PRMT2: variants seen among roughly 807,000 people sequenced by gnomAD.
PRMT2 encodes the protein protein arginine N-methyltransferase 2.
A neutral mutation model predicts 57.6 loss-of-function variants in PRMT2; 26 were observed. That is an observed-to-expected ratio of 0.45 (90% CI 0.33 to 0.63). PRMT2 has a LOEUF of 0.63. PRMT2 is among the 20% of genes least tolerant of loss of function. The pLI is 0.02. For synonymous variants in PRMT2, 219 were observed against 220.0 expected, an observed-to-expected ratio of 1.00 and a Z score of 0.04; for missense variants, 472 against 564.4, an observed-to-expected ratio of 0.84 and a Z score of 1.66.
chr21:46,661,699 G>A lies in PRMT2; in HGVS notation c.961-101G>A, dbSNP rs541732032. On this transcript the variant is annotated intron_variant, in intron 9 of 11. Transcript: ENST00000355680. ...GGGGGGCTTTTCTACGGTTCCTGAC[G>A]CATTCAGCGTCTGCGCGGGGCGCGT... is the stretch of plus-strand genomic sequence containing the variant. 259 of 1,166,078 alleles carry A rather than the reference G, an allele frequency of 2.2e-4. No homozygotes were observed. In the African/African-American group the frequency reaches 3.5e-3, roughly 16 times the overall value. 72.2% of individuals were successfully genotyped at this position (1,166,078 alleles called of 1,614,324 possible).
Position 46,648,487 on chromosome 21 carries a change from G to T in PRMT2, c.357G>T (p.Gln119His). 1 of 1,614,190 alleles carries T rather than the reference G, an allele frequency of 6.2e-7. No homozygotes were observed. The highest frequency in any genetic ancestry group is 8.5e-7 in the Non-Finnish European group (1 of 1,180,024). Residue 119 changes from glutamine (Q) to histidine (H), a missense_variant, in exon 6 of 12, where the codon CAG (glutamine) becomes CAT (histidine). Gln to His is a conservative substitution (Grantham distance 24). This residue lies in a region of PRMT2 where 243 missense variants were observed against 347.2 expected (regional missense o/e 0.70). Transcript: ENST00000355680. This position sits in a 1 kb window ranked among gnomAD's most constrained non-coding sequence, Gnocchi z 4.8. ...LKLHLEMLADQPRTTKYHSVI... is the reference protein window; with the variant it reads ...LKLHLEMLADHPRTTKYHSVI... The stretch of plus-strand genomic sequence containing the variant: ...TCCACTTGGAGATGTTGGCAGACCA[G>T]CCACGAACAACTAAATACCACAGTG...
intron 8 of PRMT2, chr21:46,659,265 G>A (rs962097302): frequency 3.9e-6 from 4 of 1,033,150 alleles, no homozygotes; most frequent in African/African-American, 1.7e-5. Context: ...AATTCTGCAT[G>A]GAATCAGCGT....
At chr21:46,651,114 T>A (rs928811328) in intron 7 of PRMT2, among the ~76,000 whole-genome samples, 2 of 152,122 alleles carry the variant, frequency 1.3e-5, no homozygotes, top group Non-Finnish European at 2.9e-5. Flanking sequence ...CCTGGGACAT[T>A]CTGTGTGAGG....
At chr21:46,651,830 A>G in intron 7 of PRMT2, 2 of 1,612,860 alleles carry the variant, frequency 1.2e-6, no homozygotes, top group Non-Finnish European at 1.7e-6. Context: ...GAGCTGCCGC[A>G]TTCTCCCCTG....
intron 3 of PRMT2, among the ~76,000 whole-genome samples, chr21:46,637,900 A>G (rs1752241128): frequency 6.6e-6 from 1 of 151,530 alleles, no homozygotes; most frequent in South Asian, 2.1e-4. Context: ...GATGTGGTGT[A>G]TTATGATTGT....
intron 3 of PRMT2, among the ~76,000 whole-genome samples, chr21:46,643,026 CAAAAAAAAAAAAAAA>C (rs112297697): frequency 6.8e-6 from 1 of 146,234 alleles, no homozygotes; most frequent in African/African-American, 2.5e-5. Flanking sequence ...GACTCTGTCT[CAAAAAAAAAAAAAAA>C]AAAAAAATGG....
At chr21:46,652,097 T>C in intron 7 of PRMT2, 1 of 1,545,500 alleles carries the variant, frequency 6.5e-7, no homozygotes, top group Non-Finnish European at 8.7e-7. Flanking sequence ...AGCAAGGGCA[T>C]GTAGTTGTTC....
At position 46,664,317 on chromosome 21, in the gene PRMT2, T is replaced by A; in HGVS notation, c.1292T>A (p.Ile431Asn). Reference sequence around the variant, plus strand: ...CAGGTTGGAGAAAAAGTCTTCCCCATCTGGAGATGACAGTTGATGCTTTAT... The same window carrying A: ...CAGGTTGGAGAAAAAGTCTTCCCCAACTGGAGATGACAGTTGATGCTTTAT... ...SQKVGEKVFP[I>N]WR The change falls in exon 12 of 12, where the codon ATC becomes AAC. Residue 431 changes from isoleucine (I) to asparagine (N), a missense_variant. Coordinates refer to ENST00000355680, the MANE Select transcript of PRMT2 (RefSeq NM_206962.4). The A allele has an allele frequency of 1.2e-6, 2 of 1,614,010 alleles. No individual in the cohort carries two copies. Among genetic ancestry groups the A allele is most frequent in the Non-Finnish European group, 1.7e-6 (2 of 1,179,864 alleles).
intron 7 of PRMT2, chr21:46,652,331 C>T (rs2148989107): frequency 8.4e-7 from 1 of 1,196,128 alleles, no homozygotes; most frequent in Non-Finnish European, 1.0e-6. Flanking sequence ...CCCCTTCATA[C>T]ATTAGCACAG....
chr21:46,637,602 A>G (rs910986018), intron 3 of PRMT2, among the ~76,000 whole-genome samples: 32 of 152,092 alleles, frequency 2.1e-4, no homozygotes, highest in African/African-American at 7.0e-4. Flanking sequence ...TATAGTCAGA[A>G]TCTTTCGTTA....
At position 46,658,784 on chromosome 21, in the gene PRMT2, G is replaced by A. The variant is rs768442613; in HGVS notation, c.694G>A (p.Ala232Thr). ...CGAGTCCATCCTGTATGCCCGGGAT[G>A]CCTGGCTGAAGGAGGACGGGGTCAT... ...MIESILYARD[A>T]WLKEDGVIWP... Residue 232 changes from alanine (A) to threonine (T), a missense_variant, in exon 8 of 12, where the codon GCC becomes ACC. Ala to Thr is a moderately conservative substitution (Grantham distance 58, BLOSUM62 0). Transcript: ENST00000355680. 6 of 1,614,116 alleles carry A rather than the reference G, an allele frequency of 3.7e-6. No homozygotes were observed. In the Admixed American group the frequency reaches 1.0e-4, roughly 27 times the overall value.
intron 1 of PRMT2, chr21:46,636,208 G>C (rs2061168764): frequency 6.6e-6 from 1 of 152,104 alleles, no homozygotes. Flanking sequence ...CCATGATCCT[G>C]TTCCTCCCGA....
At position 46,644,399 on chromosome 21, in the gene PRMT2, C is replaced by G. The variant is rs1277067608; in HGVS notation, c.238C>G (p.Pro80Ala). The change falls in exon 5 of 12, where the codon CCG (proline) becomes GCG (alanine). Residue 80 changes from proline (P) to alanine (A), a missense_variant. Pro to Ala is a conservative substitution (Grantham distance 27). This residue lies in a region of PRMT2 where 243 missense variants were observed against 347.2 expected (regional missense o/e 0.70). Coordinates refer to ENST00000355680, the MANE Select transcript of PRMT2 (RefSeq NM_206962.4). ...GCGTGCGGGCTGCTGTGGGTACATT[C>G]CGGCAAACCATGTGGGGAAGCACGT... The part of the protein sequence containing the change: ...GERAGCCGYI[P>A]ANHVGKHVDE... 2 of 1,612,028 alleles carry G rather than the reference C, an allele frequency of 1.2e-6. No individual in the cohort carries two copies. The highest frequency in any genetic ancestry group is 1.3e-5 in the African/African-American group (1 of 74,888).
chr21:46,636,863 G>A, intron 2 of PRMT2, 33 bp from the exon 3 acceptor site: 1 of 1,337,284 alleles, frequency 7.5e-7, no homozygotes. Context: ...AATGTAACAA[G>A]TACTTTGTGT....
intron 8 of PRMT2, 142 bp downstream of exon 8, chr21:46,659,062 T>C (rs2061582700): frequency 1.4e-6 from 2 of 1,437,812 alleles, no homozygotes; most frequent in South Asian, 3.0e-5. Flanking sequence ...CAATCTGTTG[T>C]AGCATTGGAG....
chr21:46,663,355 C>T (rs1337809564), intron 10 of PRMT2, 28 bp from the exon 11 acceptor site: 1 of 1,593,164 alleles, frequency 6.3e-7, no homozygotes. Flanking sequence ...AGCTCAGCCT[C>T]CAGGTCACAC....
At chr21:46,641,132 A>AAAT (rs1351719159) in intron 3 of PRMT2, among the ~76,000 whole-genome samples, 4 of 151,318 alleles carry the variant, frequency 2.6e-5, no homozygotes, top group Non-Finnish European at 5.9e-5. Flanking sequence ...TCAAAAAAAA[A>AAAT]AAAAAAAAGC....
chr21:46,643,419 A>C, intron 3 of PRMT2, 116 bp from the exon 4 acceptor site: 1 of 1,338,046 alleles, frequency 7.5e-7, no homozygotes. Context: ...TTGTATAATA[A>C]ATACTTGGAC....
At chr21:46,639,749 G>A (rs7349012) in intron 3 of PRMT2, among the ~76,000 whole-genome samples, 15,191 of 148,990 alleles carry the variant, frequency 0.1, 894 homozygotes, top group African/African-American at 0.13. Context: ...CTCAACTTAA[G>A]TCCTTATATT....
Sources: gnomAD v4.1 joint callset for allele counts (sites outside exome capture counted in the v4.1 genomes callset) on GRCh38, gnomAD v4.1.1 for gene constraint, gnomAD v4.1.1 regional missense constraint, Gnocchi (gnomAD v3.1) non-coding constraint, MANE v1.5 for transcripts, NCBI Gene and HGNC (gene_info 2026-07-23, HGNC 2026-07-21) for gene names.